The following NETO1 variants were observed in gnomAD, a reference collection of about 807,000 sequenced individuals.
NETO1 encodes neuropilin and tolloid like 1.
Under a neutral mutation model 61.3 loss-of-function variants are expected in NETO1, and 26 were observed. The ratio of observed to expected loss-of-function variants is 0.42; its 90% CI spans 0.31 to 0.59. The LOEUF (loss-of-function observed/expected upper bound fraction) is 0.59. Ranked by LOEUF, NETO1 falls within the 20% of genes least tolerant of loss-of-function variation. The pLI is 0.12. For missense variants in NETO1, 531 were observed against 662.8 expected (o/e 0.80, Z 2.18); for synonymous variants, 225 against 225.8 (o/e 1.00, Z 0.03).
intron 4 of NETO1, among the ~76,000 whole-genome samples, chr18:72,829,111 A>G (rs1176823409): frequency 6.6e-6 from 1 of 152,250 alleles, no homozygotes; most frequent in African/African-American, 2.4e-5. Flanking sequence ...GAAATTATAA[A>G]CAAAAATAAT....
chr18:72,777,831 T>C (rs1039753328), intron 7 of NETO1, among the ~76,000 whole-genome samples: 14 of 152,214 alleles, frequency 9.2e-5, no homozygotes, highest in African/African-American at 2.4e-4. Context: ...CAACTGCTTT[T>C]CTGGGAACAG....
chr18:72,845,827 T>G (rs918193604), intron 4 of NETO1, among the ~76,000 whole-genome samples: 1 of 152,242 alleles, frequency 6.6e-6, no homozygotes, highest in Middle Eastern at 3.2e-3. Flanking sequence ...TATAATCATA[T>G]TGTCTTAAAT....
At chr18:72,863,362 T>C (rs999424075) in intron 3 of NETO1, among the ~76,000 whole-genome samples, 1 of 152,230 alleles carries the variant, frequency 6.6e-6, no homozygotes, top group Non-Finnish European at 1.5e-5. Context: ...CTTCCCTGTA[T>C]TCTTCTCTTT....
chr18:72,841,558 C>A (rs542240571), intron 4 of NETO1, among the ~76,000 whole-genome samples: 2 of 151,556 alleles, frequency 1.3e-5, no homozygotes, highest in African/African-American at 2.4e-5. Flanking sequence ...CATGGTAAAA[C>A]CCCCATCTCT....
At chr18:72,754,442 A>T (rs935175949) in intron 8 of NETO1, among the ~76,000 whole-genome samples, 1 of 152,118 alleles carries the variant, frequency 6.6e-6, no homozygotes, top group Admixed American at 6.6e-5. Context: ...CAAAAGAAAC[A>T]CTTTATATTC....
chr18:72,860,874 G>A (rs2074551182), intron 3 of NETO1, among the ~76,000 whole-genome samples: 1 of 152,102 alleles, frequency 6.6e-6, no homozygotes, highest in African/African-American at 2.4e-5. Flanking sequence ...ACTAAGTATA[G>A]CGCTTGCATA....
rs1599075356 is a variant in NETO1, at chr18:72,821,598, CAT to C, written c.470-27196_470-27195del. 4.7e-5 allele frequency among the ~76,000 whole-genome samples: 7 copies of C among 149,270 alleles called. No homozygotes were observed. The East Asian group carries it at 1.4e-3, about 30-fold the overall frequency. ...AAAAAGGAATCCTCTCCAGAAGAAT[CAT>C]GTACTACTTAGCAAGTACACCATGC... On this transcript the variant is annotated intron_variant, in intron 4 of 10. Coordinates refer to ENST00000327305, the MANE Select transcript of NETO1 (RefSeq NM_138966.5).
chr18:72,806,383 T>G (rs2072675122), intron 4 of NETO1, among the ~76,000 whole-genome samples: 1 of 152,164 alleles, frequency 6.6e-6, no homozygotes, highest in African/African-American at 2.4e-5. Flanking sequence ...AGATCCACTG[T>G]CATTACTGCC....
rs2070429636 is a variant in NETO1, at chr18:72,746,282, A to G, written c.*1897T>C. On this transcript the variant is annotated 3_prime_UTR_variant, in exon 11 of 11. Transcript: ENST00000327305. ...GAGAAAGCAATATAAGATATGATTA[A>G]TCCTTTAAAAAAATCTTTGGTGTAT... Among the ~76,000 whole-genome samples the G allele has an allele frequency of 6.6e-6, 1 of 152,164 alleles. No individual in the cohort carries two copies. The highest frequency in any genetic ancestry group is 1.5e-5 in the Non-Finnish European group (1 of 68,012).
intron 4 of NETO1, among the ~76,000 whole-genome samples, chr18:72,823,822 C>G (rs2145319284): frequency 1.3e-5 from 2 of 152,238 alleles, no homozygotes; most frequent in South Asian, 4.2e-4. Context: ...GCCTTCTTGC[C>G]ACAAAGATGG....
At chr18:72,771,860 A>G (rs1045731755) in intron 7 of NETO1, among the ~76,000 whole-genome samples, 5 of 152,180 alleles carry the variant, frequency 3.3e-5, no homozygotes, top group African/African-American at 1.2e-4. Flanking sequence ...ACAAATTATC[A>G]CAAATTTACC....
At chr18:72,799,210 C>A (rs1021229111) in intron 4 of NETO1, among the ~76,000 whole-genome samples, 1 of 152,102 alleles carries the variant, frequency 6.6e-6, no homozygotes, top group African/African-American at 2.4e-5. Context: ...TCAGCTAGCA[C>A]CATAACTAGA....
chr18:72,817,642 C>G (rs17727260), intron 4 of NETO1, among the ~76,000 whole-genome samples: 1 of 152,178 alleles, frequency 6.6e-6, no homozygotes. Flanking sequence ...ATACCGAATG[C>G]CTAATCACCT....
Position 72,744,550 on chromosome 18 carries a change from A to T in NETO1, c.*3629T>A, listed in dbSNP as rs1568163577. The T allele has an allele frequency of 1.3e-5, 2 of 152,120 alleles. No individual in the cohort carries two copies. Among genetic ancestry groups the T allele is most frequent in the African/African-American group, 4.8e-5 (2 of 41,440 alleles). The allele number at this position is 152,120 out of a possible 1,614,324, so 9.4% of individuals were successfully genotyped here. On this transcript the variant is annotated 3_prime_UTR_variant, in exon 11 of 11. Coordinates refer to ENST00000327305, the MANE Select transcript of NETO1 (RefSeq NM_138966.5). ...GAGTGCAATAGATAGAAATGAATCC[A>T]TGGAGGGAAAAGGGCACAGAGAAAA...
At chr18:72,767,903 G>A (rs1288515719) in intron 7 of NETO1, among the ~76,000 whole-genome samples, 1 of 152,220 alleles carries the variant, frequency 6.6e-6, no homozygotes, top group Admixed American at 6.5e-5. Flanking sequence ...CTCACTAACG[G>A]ATACAATACT....
At chr18:72,809,605 G>C (rs760714779) in intron 4 of NETO1, among the ~76,000 whole-genome samples, 4 of 152,176 alleles carry the variant, frequency 2.6e-5, no homozygotes, top group African/African-American at 4.8e-5. Context: ...TTCGATACAT[G>C]AATAAAAATT....
intron 4 of NETO1, among the ~76,000 whole-genome samples, chr18:72,854,061 T>C (rs1171447847): frequency 6.6e-6 from 1 of 152,212 alleles, no homozygotes; most frequent in Non-Finnish European, 1.5e-5. Flanking sequence ...TCATTTAATA[T>C]GCATAGAAAT....
intron 6 of NETO1, among the ~76,000 whole-genome samples, chr18:72,784,179 T>G (rs1056205341): frequency 1.1e-4 from 17 of 151,948 alleles, no homozygotes; most frequent in African/African-American, 3.6e-4. Context: ...CATAACTTAC[T>G]GGAAATCAGT....
In NETO1 at chr18:72,764,983, T is replaced by G. The variant is rs140722314; in HGVS notation, c.869-8836A>C. On this transcript the variant is annotated intron_variant, in intron 7 of 10. Coordinates refer to ENST00000327305, the MANE Select transcript of NETO1 (RefSeq NM_138966.5). ...AGGCCACCATTCACTGACAGCAATCTTACATGGAGTTCAGGGACACAGAAA... is the reference window on the plus strand; with the variant it reads ...AGGCCACCATTCACTGACAGCAATCGTACATGGAGTTCAGGGACACAGAAA... Among the ~76,000 whole-genome samples the G allele has an allele frequency of 3.0e-3, 460 of 152,238 alleles. 1 individual carries two copies. Among genetic ancestry groups the G allele is most frequent in the Middle Eastern group, 0.01 (3 of 294 alleles).
Sources: allele counts gnomAD v4.1 joint callset (sites outside exome capture counted in the v4.1 genomes callset), GRCh38; gene constraint gnomAD v4.1.1; transcripts MANE v1.5; gene names NCBI Gene and HGNC (gene_info 2026-07-23, HGNC 2026-07-21).